The following SLC7A11 variants were observed in gnomAD, a reference collection of about 807,000 sequenced individuals.
SLC7A11 encodes cystine/glutamate transporter.
In SLC7A11, 35 loss-of-function variants were observed where a neutral mutation model predicts 54.5. That is an observed-to-expected ratio of 0.64 (90% CI 0.49 to 0.85). The LOEUF is 0.85. Among genes scored for constraint, SLC7A11 ranks in the 40% least tolerant of loss-of-function variants. SLC7A11 has a pLI of 0.00. For synonymous variants in SLC7A11, 230 were observed against 225.2 expected (o/e 1.02, Z -0.19); for missense variants, 583 against 618.1 (o/e 0.94, Z 0.60).
chr4:138,223,162 T>TA (rs1737856589), intron 4 of SLC7A11, 37 bp downstream of exon 4: 1 of 1,589,462 alleles, frequency 6.3e-7, no homozygotes, highest in South Asian at 1.1e-5. Context: ...CAAAAGCAGA[T>TA]ACGTATTTTA....
intron 6 of SLC7A11, among the ~76,000 whole-genome samples, chr4:138,207,561 T>A (rs1270650670): frequency 6.6e-6 from 1 of 151,912 alleles, no homozygotes; most frequent in Non-Finnish European, 1.5e-5. Context: ...AAAAATTAGC[T>A]GGGCATAGTG....
rs1411639479 is a variant in SLC7A11, at chr4:138,219,332, C to T, written c.680G>A (p.Gly227Glu). The change falls in exon 5 of 12, where the codon GGA becomes GAA. Residue 227 changes from glycine to glutamate, a missense_variant. Gly to Glu is a moderately conservative substitution (Grantham distance 98). Transcript: ENST00000280612. ...CAACCGCGTAATACTTGAATCTCTT[C>T]CTGAAAAGGCGTCTTTAAAGTTCTG... is the stretch of plus-strand genomic sequence containing the variant. ...QTQNFKDAFS[G>E]RDSSITRLPL... The T allele has an allele frequency of 6.2e-7, 1 of 1,610,190 alleles. No individual in the cohort carries two copies. Among genetic ancestry groups the T allele is most frequent in the Non-Finnish European group, 8.5e-7 (1 of 1,176,670 alleles).
chr4:138,223,376 A>C (rs1737863766), intron 3 of SLC7A11, 52 bp from the exon 4 acceptor site: 2 of 1,597,934 alleles, frequency 1.3e-6, no homozygotes, highest in African/African-American at 2.7e-5. Context: ...TGGCACAAAG[A>C]CATTTTAGGT....
intron 3 of SLC7A11, among the ~76,000 whole-genome samples, chr4:138,230,370 A>G (rs1341656922): frequency 1.3e-5 from 2 of 151,116 alleles, no homozygotes; most frequent in African/African-American, 2.4e-5. Context: ...GAGTTTACCT[A>G]TGTAACAAAC....
At chr4:138,191,052 T>C (rs1485947861) in intron 6 of SLC7A11, among the ~76,000 whole-genome samples, 6 of 152,106 alleles carry the variant, frequency 3.9e-5, no homozygotes, top group Non-Finnish European at 8.8e-5. Flanking sequence ...ACATAGCACA[T>C]AGTTGCAGGG....
chr4:138,190,833 G>A (rs1315953913), intron 6 of SLC7A11, among the ~76,000 whole-genome samples: 2 of 152,080 alleles, frequency 1.3e-5, no homozygotes, highest in African/African-American at 2.4e-5. Flanking sequence ...TGAAGTACAA[G>A]TAAGCGTTCA....
At chr4:138,173,023 A>G (rs558916115) in intron 11 of SLC7A11, among the ~76,000 whole-genome samples, 3 of 151,596 alleles carry the variant, frequency 2.0e-5, no homozygotes, top group Non-Finnish European at 2.9e-5. Context: ...TTGTATTTTT[A>G]GTAGAGACGG....
chr4:138,197,636 T>C (rs1247657352), intron 6 of SLC7A11, among the ~76,000 whole-genome samples: 1 of 151,990 alleles, frequency 6.6e-6, no homozygotes, highest in Non-Finnish European at 1.5e-5. Flanking sequence ...GAGCTTTAAA[T>C]TTAAAAGCAC....
Position 138,223,329 on chromosome 4 carries a change from A to G in SLC7A11, c.521-5T>C, listed in dbSNP as rs1446412976. 1.9e-6 allele frequency: 3 copies of G among 1,612,498 alleles called. No homozygotes were observed. The highest frequency in any genetic ancestry group is 2.5e-6 in the Non-Finnish European group (3 of 1,179,032). On this transcript the variant is annotated splice_region_variant and splice_polypyrimidine_tract_variant and intron_variant, in intron 3 of 11. Transcript: ENST00000280612. ...TATTTAGGACCATCACTACAGCTGC[A>G]AACAAATAGAGGAAGTTACAAAAGG...
Position 138,170,271 on chromosome 4 carries a change from T to TATATATATACACACAC in SLC7A11, c.*1684_*1685insGTGTGTGTATATATAT, listed in dbSNP as rs752680028. The TATATATATACACACAC allele has an allele frequency of 3.0e-4, 26 of 86,244 alleles. No homozygotes were observed. Among genetic ancestry groups the TATATATATACACACAC allele is most frequent in the Non-Finnish European group, 4.7e-4 (21 of 44,328 alleles). 5.3% of individuals were successfully genotyped at this position (86,244 alleles called of 1,614,324 possible). ...GTGTGTATATATATATATATATATA[T>TATATATATACACACAC]ACACACACACACACACACACACATA... is the stretch of plus-strand genomic sequence containing the variant. On this transcript the variant is annotated 3_prime_UTR_variant, in exon 12 of 12. Transcript: ENST00000280612.
At chr4:138,183,752 C>T (rs79589863) in intron 7 of SLC7A11, among the ~76,000 whole-genome samples, 10,041 of 152,098 alleles carry the variant, frequency 0.066, 351 homozygotes, top group Non-Finnish European at 0.079. Context: ...ATGCCAATCC[C>T]ATTCTTAGGA....
intron 4 of SLC7A11, among the ~76,000 whole-genome samples, chr4:138,221,609 G>A (rs1261121621): frequency 1.3e-5 from 2 of 152,110 alleles, no homozygotes; most frequent in Admixed American, 1.3e-4. Flanking sequence ...TTGATATCAT[G>A]ATTATTGATT....
At chr4:138,195,469 A>G (rs1371189228) in intron 6 of SLC7A11, among the ~76,000 whole-genome samples, 2 of 152,148 alleles carry the variant, frequency 1.3e-5, no homozygotes, top group African/African-American at 4.8e-5. Flanking sequence ...GACATCAGCT[A>G]CACACAAAAA....
At position 138,238,566 on chromosome 4, in the gene SLC7A11, TATC is replaced by T. The variant is rs1181066680; in HGVS notation, c.278-2118_278-2116del. Among the ~76,000 whole-genome samples, 3 of 152,066 alleles carry T rather than the reference TATC, an allele frequency of 2.0e-5. No homozygotes were observed. In the East Asian group the frequency reaches 5.8e-4, roughly 29 times the overall value. On this transcript the variant is annotated intron_variant, in intron 1 of 11. Coordinates refer to ENST00000280612, the MANE Select transcript of SLC7A11 (RefSeq NM_014331.4). Reference sequence around the variant, plus strand: ...ATATTTTATATCTGATTTCTAAACTTATCATGACATCAAAGTCACCTAGGAATA... The same window carrying T: ...ATATTTTATATCTGATTTCTAAACTTATGACATCAAAGTCACCTAGGAATA...
intron 6 of SLC7A11, among the ~76,000 whole-genome samples, chr4:138,188,326 G>T (rs1314214719): frequency 6.6e-6 from 1 of 152,258 alleles, no homozygotes; most frequent in Non-Finnish European, 1.5e-5. Flanking sequence ...GCCTACCAAA[G>T]TGATGGGATT....
rs529407766 is a variant in SLC7A11, at chr4:138,185,390, C to T, written c.792-146G>A. On this transcript the variant is annotated intron_variant, in intron 6 of 11. Transcript: ENST00000280612. Reference sequence around the variant, plus strand: ...TGTTGGGTATGTATAAACATTTCATCAGGGCAAAAAACCACATATTCCTTT... The same window carrying T: ...TGTTGGGTATGTATAAACATTTCATTAGGGCAAAAAACCACATATTCCTTT... 125 of 910,666 alleles carry T rather than the reference C, an allele frequency of 1.4e-4. 2 individuals are homozygous for T. The African/African-American group carries it at 1.9e-3, about 14-fold the overall frequency. The allele number at this position is 910,666 out of a possible 1,614,324, so 56.4% of individuals were successfully genotyped here. A position where few individuals can be genotyped will look rare whatever the true frequency, so the allele number is the denominator to read the frequency against.
At chr4:138,174,585 C>A (rs1409378824) in intron 11 of SLC7A11, 1 of 152,214 alleles carries the variant, frequency 6.6e-6, no homozygotes, top group African/African-American at 2.4e-5. Context: ...CAGCAGTGGA[C>A]CAGACAGCAG....
chr4:138,216,964 A>G (rs978033411), intron 5 of SLC7A11, among the ~76,000 whole-genome samples: 1 of 152,182 alleles, frequency 6.6e-6, no homozygotes, highest in Non-Finnish European at 1.5e-5. Flanking sequence ...AAGTGAATAA[A>G]TGCCCCTCTC....
rs150903664 is a variant in SLC7A11 at position 138,219,759 on chromosome 4, G to A, written c.647-394C>T. The stretch of plus-strand genomic sequence containing the variant: ...AATGTTTTGCTTGGCAAGAAAATGC[G>A]GAGAGGTATCCAAGGTTCTACCCTT... On this transcript the variant is annotated intron_variant, in intron 4 of 11. Transcript: ENST00000280612. Among the ~76,000 whole-genome samples the A allele has an allele frequency of 4.9e-4, 75 of 152,128 alleles. 1 individual carries two copies. In the East Asian group the frequency reaches 6.8e-3, roughly 14 times the overall value.
Sources: allele counts gnomAD v4.1 joint callset (sites outside exome capture counted in the v4.1 genomes callset), GRCh38; gene constraint gnomAD v4.1.1; transcripts MANE v1.5; gene names NCBI Gene and HGNC (gene_info 2026-07-23, HGNC 2026-07-21).